CNKSR2: variants seen among roughly 807,000 people sequenced by gnomAD.
CNKSR2 encodes the protein connector enhancer of kinase suppressor of Ras 2, also known as CNK homolog protein 2.
CNKSR2 carries 14 observed loss-of-function variants against 84.4 expected under a neutral mutation model. That is an observed-to-expected ratio of 0.17 (90% confidence interval 0.11 to 0.26). The LOEUF (loss-of-function observed/expected upper bound fraction) is 0.26. Among genes scored for constraint, CNKSR2 ranks in the 10% least tolerant of loss-of-function variants. The pLI is 1.00. For missense variants in CNKSR2, 485 were observed against 771.2 expected (o/e 0.63, Z 4.40); for synonymous variants, 275 against 277.9 (o/e 0.99, Z 0.10).
At chrX:21,406,891 C>T (rs920016006) in intron 1 of CNKSR2, among the ~76,000 whole-genome samples, 8 of 112,015 alleles carry the variant, frequency 7.1e-5, no homozygotes, top group East Asian at 2.8e-4. Flanking sequence ...ATTTTTATTT[C>T]GTTAGCTAAT....
chrX:21,577,212 A>G (rs1364062628), intron 13 of CNKSR2, among the ~76,000 whole-genome samples: 2 of 111,496 alleles, frequency 1.8e-5, no homozygotes, highest in Non-Finnish European at 3.8e-5. Context: ...TATAAAACAG[A>G]TTACTGATAA....
intron 8 of CNKSR2, among the ~76,000 whole-genome samples, chrX:21,510,124 T>TCATTACCAGACATTACCAGA (rs2091656324): frequency 3.6e-5 from 4 of 111,475 alleles, no homozygotes; most frequent in African/African-American, 1.3e-4. Context: ...GACATTCATA[T>TCATTACCAGACATTACCAGA]AGGCATACTT....
chrX:21,395,427 G>A (rs949929558), intron 1 of CNKSR2, among the ~76,000 whole-genome samples: 1 of 111,513 alleles, frequency 9.0e-6, no homozygotes, highest in Non-Finnish European at 1.9e-5. Context: ...ATAGTAAGAT[G>A]TCAGATTTTA....
chrX:21,572,427 A>G (rs1298957558), intron 13 of CNKSR2, among the ~76,000 whole-genome samples: 1 of 112,751 alleles, frequency 8.9e-6, no homozygotes, highest in Non-Finnish European at 1.9e-5. Context: ...ATTCTAATTT[A>G]GTATTTTTTC....
intron 1 of CNKSR2, among the ~76,000 whole-genome samples, chrX:21,403,780 A>G (rs890387382): frequency 1.8e-5 from 2 of 111,873 alleles, no homozygotes; most frequent in Non-Finnish European, 3.8e-5. Flanking sequence ...CTTACTATTA[A>G]TAAGTATCTG....
chrX:21,498,157 T>C (rs1345353182), intron 7 of CNKSR2, among the ~76,000 whole-genome samples: 1 of 112,138 alleles, frequency 8.9e-6, no homozygotes, highest in East Asian at 2.8e-4. Flanking sequence ...ATGATTTGGT[T>C]ATTTAAAGAA....
chrX:21,486,645 G>A (rs950654965), intron 5 of CNKSR2, among the ~76,000 whole-genome samples: 1 of 111,947 alleles, frequency 8.9e-6, no homozygotes, highest in Admixed American at 9.5e-5. Flanking sequence ...CACATGGTAG[G>A]TGATCTACAA....
chrX:21,390,660 C>A (rs1021989319), intron 1 of CNKSR2, among the ~76,000 whole-genome samples: 14 of 111,574 alleles, frequency 1.3e-4, no homozygotes, highest in African/African-American at 4.6e-4. Context: ...TGGGTGGGGC[C>A]ACAAATCCAA....
chrX:21,467,176 G>A (rs892369792), intron 4 of CNKSR2, among the ~76,000 whole-genome samples: 2 of 111,051 alleles, frequency 1.8e-5, no homozygotes, highest in African/African-American at 3.3e-5. Flanking sequence ...GATAGCTTTG[G>A]TGTTCCTGTA....
At chrX:21,566,454 G>A (rs981535068) in intron 13 of CNKSR2, among the ~76,000 whole-genome samples, 4 of 111,711 alleles carry the variant, frequency 3.6e-5, no homozygotes, top group African/African-American at 6.5e-5. Context: ...CACAATGTCA[G>A]TATCAATCTG....
At chrX:21,485,432 C>A (rs1834141032) in intron 5 of CNKSR2, among the ~76,000 whole-genome samples, 1 of 110,239 alleles carries the variant, frequency 9.1e-6, no homozygotes, top group South Asian at 3.8e-4. Context: ...GGTAAACCAG[C>A]GTGTATGTGT....
Position 21,609,319 on chromosome X carries a change from G to A in CNKSR2, c.2394G>A (p.Ala798=), listed in dbSNP as rs753046688. 19 of 1,211,396 alleles carry A rather than the reference G, an allele frequency of 1.6e-5. No homozygotes were observed. In the East Asian group the frequency reaches 2.7e-4, roughly 17 times the overall value. The change falls in exon 20 of 22, where the codon GCG becomes GCA. Residue 798 remains alanine, a synonymous_variant. Transcript: ENST00000379510. ...AGGATTCTGTCTTCTCTGACTCCGCGGCCATCTCCCCAGAGCACAGGCGGC... is the reference window on the plus strand; with the variant it reads ...AGGATTCTGTCTTCTCTGACTCCGCAGCCATCTCCCCAGAGCACAGGCGGC... The part of the protein sequence containing the change: ...PLEDSVFSDS[A]AISPEHRRQS...
intron 13 of CNKSR2, among the ~76,000 whole-genome samples, chrX:21,565,882 C>G (rs761072671): frequency 2.7e-5 from 3 of 111,228 alleles, no homozygotes; most frequent in Non-Finnish European, 5.7e-5. Flanking sequence ...TTTGATATGT[C>G]TTTTGAACTT....
rs1438400586 is a variant in CNKSR2, at chrX:21,531,946, T to C, written c.1182T>C (p.Phe394=). ...VHKGSESPNS[F]LDQEYRKRFN... is the part of the protein sequence containing the mutation. ...AGGGATCTGAATCACCAAATTCATT[T>C]CTGGATCAGGAATATCGAAAGAGAT... The change falls in exon 11 of 22, where the codon TTT becomes TTC. Residue 394 remains phenylalanine, a synonymous_variant. Coordinates refer to ENST00000379510, the MANE Select transcript of CNKSR2 (RefSeq NM_014927.5). The C allele has an allele frequency of 8.3e-7, 1 of 1,199,655 alleles. No homozygotes were observed. Among genetic ancestry groups the C allele is most frequent in the African/African-American group, 1.8e-5 (1 of 56,807 alleles).
intron 1 of CNKSR2, among the ~76,000 whole-genome samples, chrX:21,406,395 G>A (rs1281825335): frequency 5.4e-5 from 6 of 111,205 alleles, no homozygotes; most frequent in Non-Finnish European, 9.4e-5. Context: ...TGGTGACTTA[G>A]TTTACCAAGT....
intron 5 of CNKSR2, among the ~76,000 whole-genome samples, chrX:21,472,056 C>T (rs1386654107): frequency 9.0e-6 from 1 of 111,711 alleles, no homozygotes; most frequent in African/African-American, 3.3e-5. Context: ...AAAGCCCATG[C>T]CCTTTCCAGA....
chrX:21,599,339 GGTGTGTGTGTGTGTGTGT>G lies in CNKSR2; in HGVS notation c.1977-1915_1977-1898del, dbSNP rs34829122. Reference sequence around the variant, plus strand: ...AAATTTCAGTGTTTTTTTTTGTTTTGGTGTGTGTGTGTGTGTGTGTGTGTGTGTGTGTGTGTGTGTGTG... The same window carrying G: ...AAATTTCAGTGTTTTTTTTTGTTTTGGTGTGTGTGTGTGTGTGTGTGTGTG... On this transcript the variant is annotated intron_variant, in intron 17 of 21. Transcript: ENST00000379510. 1.9e-4 allele frequency among the ~76,000 whole-genome samples: 16 copies of G among 82,686 alleles called. 1 individual carries two copies. The highest frequency in any genetic ancestry group is 7.4e-4 in the South Asian group (1 of 1,345). 71.8% of individuals were successfully genotyped at this position (82,686 alleles called of 115,157 possible). A position where few individuals can be genotyped will look rare whatever the true frequency, so the allele number is the denominator to read the frequency against.
At chrX:21,578,680 T>C (rs922083356) in intron 13 of CNKSR2, among the ~76,000 whole-genome samples, 1 of 111,159 alleles carries the variant, frequency 9.0e-6, no homozygotes, top group Non-Finnish European at 1.9e-5. Context: ...AGGGAATTTA[T>C]CTTCTGATGA....
At chrX:21,646,798 G>A (rs929408678) in intron 20 of CNKSR2, among the ~76,000 whole-genome samples, 1 of 111,635 alleles carries the variant, frequency 9.0e-6, no homozygotes, top group African/African-American at 3.3e-5. Flanking sequence ...TCTGGCTTTA[G>A]ATGCAGTATT....
Sources: gnomAD v4.1 joint callset for allele counts (sites outside exome capture counted in the v4.1 genomes callset) on GRCh38, gnomAD v4.1.1 for gene constraint, MANE v1.5 for transcripts, NCBI Gene and HGNC (gene_info 2026-07-23, HGNC 2026-07-21) for gene names.